Variants in ENPP3 observed in about 807,000 individuals in gnomAD.
ENPP3 encodes the protein ectonucleotide pyrophosphatase/phosphodiesterase 3.
A neutral mutation model predicts 117.8 loss-of-function variants in ENPP3; 104 were observed. The ratio of observed to expected loss-of-function variants is 0.88; its 90% CI spans 0.75 to 1.04. The LOEUF (loss-of-function observed/expected upper bound fraction) is 1.04. Ranked by LOEUF, ENPP3 falls within the 50% of genes least tolerant of loss-of-function variation. ENPP3 has a pLI of 0.00. For synonymous variants in ENPP3, 380 were observed against 349.9 expected, an observed-to-expected ratio of 1.09 and a Z score of -0.96; for missense variants, 1,026 against 1,051.9, an observed-to-expected ratio of 0.98 and a Z score of 0.34.
intron 14 of ENPP3, among the ~76,000 whole-genome samples, chr6:131,689,056 A>T (rs1462427946): frequency 6.6e-6 from 1 of 152,078 alleles, no homozygotes; most frequent in African/African-American, 2.4e-5. Context: ...ACAGAGTGAG[A>T]CTCTATTTAA....
intron 15 of ENPP3, among the ~76,000 whole-genome samples, chr6:131,712,366 A>G (rs1256140182): frequency 1.3e-5 from 2 of 148,448 alleles, no homozygotes; most frequent in African/African-American, 5.2e-5. Context: ...TGCTGCTCTC[A>G]AGACCTAGTT....
At chr6:131,674,091 G>A (rs1419072736) in intron 7 of ENPP3, 71 bp from the exon 8 acceptor site, 8 of 921,126 alleles carry the variant, frequency 8.7e-6, no homozygotes, top group Admixed American at 2.2e-5. Context: ...AATAGATCGT[G>A]TGCTATTTTA....
At chr6:131,727,590 C>T (rs117475807) in intron 20 of ENPP3, among the ~76,000 whole-genome samples, 1,485 of 141,374 alleles carry the variant, frequency 0.011, 11 homozygotes, top group South Asian at 0.027. Context: ...AGCAACAAAA[C>T]TTTAAAGTAT....
chr6:131,723,938 C>A (rs1780091662), intron 18 of ENPP3, 102 bp from the exon 19 acceptor site: 5 of 793,280 alleles, frequency 6.3e-6, no homozygotes, highest in Admixed American at 4.6e-5. Flanking sequence ...GGCAGTATAA[C>A]ATTTAATCGA....
At chr6:131,690,562 T>C (rs1779255363) in intron 14 of ENPP3, among the ~76,000 whole-genome samples, 1 of 152,200 alleles carries the variant, frequency 6.6e-6, no homozygotes, top group Non-Finnish European at 1.5e-5. Context: ...GGGAAACCAA[T>C]TCATATGACT....
chr6:131,721,701 G>A (rs1025670628), intron 17 of ENPP3, among the ~76,000 whole-genome samples: 1 of 151,748 alleles, frequency 6.6e-6, no homozygotes, highest in African/African-American at 2.4e-5. Context: ...TCTATCTTTA[G>A]AGAATAAATG....
chr6:131,667,348 G>T (rs1778638850), intron 6 of ENPP3, among the ~76,000 whole-genome samples: 3 of 152,128 alleles, frequency 2.0e-5, no homozygotes, highest in Admixed American at 1.3e-4. Flanking sequence ...TGGACACTTA[G>T]TGCAACTCTT....
At chr6:131,694,286 C>T (rs1020834258) in intron 15 of ENPP3, among the ~76,000 whole-genome samples, 1 of 152,152 alleles carries the variant, frequency 6.6e-6, no homozygotes, top group African/African-American at 2.4e-5. Flanking sequence ...CATGTATGCA[C>T]CAGGCCCTGT....
chr6:131,708,824 C>T (rs1279269464), intron 15 of ENPP3: 1 of 1,609,480 alleles, frequency 6.2e-7, no homozygotes, highest in Admixed American at 1.7e-5. Flanking sequence ...CCTCGAGAAG[C>T]TCCAAACATG....
intron 20 of ENPP3, among the ~76,000 whole-genome samples, chr6:131,726,577 G>A (rs1306105412): frequency 6.6e-6 from 1 of 152,198 alleles, no homozygotes; most frequent in Non-Finnish European, 1.5e-5. Context: ...AAAGGGCTTT[G>A]TATTTATTTG....
chr6:131,742,790 T>C (rs540612504), intron 24 of ENPP3, among the ~76,000 whole-genome samples: 26 of 152,154 alleles, frequency 1.7e-4, no homozygotes, highest in Non-Finnish European at 3.7e-4. Flanking sequence ...TGTTCTTCTC[T>C]CCTCTAGAAT....
At chr6:131,732,757 G>C (rs1244880476) in intron 20 of ENPP3, among the ~76,000 whole-genome samples, 1 of 111,786 alleles carries the variant, frequency 8.9e-6, no homozygotes, top group Non-Finnish European at 1.9e-5. Context: ...ATTATTTTCA[G>C]ATGGAGTCTC....
chr6:131,668,276 G>A (rs529736499), intron 6 of ENPP3, among the ~76,000 whole-genome samples: 1 of 131,548 alleles, frequency 7.6e-6, no homozygotes, highest in Non-Finnish European at 1.5e-5. Context: ...ACAGTGGCAC[G>A]ATCTCAGCTC....
At chr6:131,715,751 G>A (rs1779875152) in intron 15 of ENPP3, among the ~76,000 whole-genome samples, 1 of 152,214 alleles carries the variant, frequency 6.6e-6, no homozygotes, top group African/African-American at 2.4e-5. Flanking sequence ...GCCGAGGCAC[G>A]CCGCTGGACA....
At chr6:131,649,996 A>G (rs1464211816) in intron 2 of ENPP3, 31 bp from the exon 3 acceptor site, 6 of 1,613,188 alleles carry the variant, frequency 3.7e-6, no homozygotes, top group African/African-American at 2.7e-5. Flanking sequence ...TAGCTCCTAA[A>G]TGTTCGGGCC....
intron 24 of ENPP3, among the ~76,000 whole-genome samples, chr6:131,742,225 T>C (rs1780541572): frequency 6.6e-6 from 1 of 152,210 alleles, no homozygotes; most frequent in Non-Finnish European, 1.5e-5. Flanking sequence ...CTACTTTTTC[T>C]GTCAGCATTT....
At chr6:131,685,954 A>T in intron 14 of ENPP3, 47 bp downstream of exon 14, 1 of 596,220 alleles carries the variant, frequency 1.7e-6, no homozygotes. Flanking sequence ...TAATGCAATG[A>T]CCTTAATCTG....
At chr6:131,644,080 G>A (rs1778109003) in intron 2 of ENPP3, among the ~76,000 whole-genome samples, 1 of 152,074 alleles carries the variant, frequency 6.6e-6, no homozygotes, top group South Asian at 2.1e-4. Context: ...CCAAAGGCAG[G>A]ACCTTGCCTG....
chr6:131,690,287 G>A (rs551839949), intron 14 of ENPP3, among the ~76,000 whole-genome samples: 1 of 152,286 alleles, frequency 6.6e-6, no homozygotes, highest in South Asian at 2.1e-4. Context: ...GTCCACTGAT[G>A]CAGCCACCTT....
Sources: gnomAD v4.1 joint callset for allele counts (sites outside exome capture counted in the v4.1 genomes callset) on GRCh38, gnomAD v4.1.1 for gene constraint, MANE v1.5 for transcripts, NCBI Gene and HGNC (gene_info 2026-07-23, HGNC 2026-07-21) for gene names.